The following TAF4B variants were observed in gnomAD, a reference collection of about 807,000 sequenced individuals.
The protein encoded by TAF4B is TATA-box binding protein associated factor 4b.
In TAF4B, 38 loss-of-function variants were observed where a neutral mutation model predicts 86.4. The observed-to-expected ratio is 0.44, with a 90% CI of 0.34 to 0.58. TAF4B has a LOEUF of 0.58. TAF4B is among the 20% of genes least tolerant of loss of function. The pLI, the probability that TAF4B is intolerant of heterozygous loss-of-function variation, is 0.02. For synonymous variants in TAF4B, 388 were observed against 391.2 expected, an observed-to-expected ratio of 0.99 and a Z score of 0.10; for missense variants, 988 against 1,027.6, an observed-to-expected ratio of 0.96 and a Z score of 0.53.
At chr18:26,374,852 C>T (rs1047237969) in intron 14 of TAF4B, among the ~76,000 whole-genome samples, 3 of 152,152 alleles carry the variant, frequency 2.0e-5, no homozygotes, top group Non-Finnish European at 4.4e-5. Context: ...GAAAAGTAAA[C>T]ATAAGTTGAT....
chr18:26,337,424 C>CTTTTTT (rs551888808), intron 13 of TAF4B, among the ~76,000 whole-genome samples: 16 of 126,116 alleles, frequency 1.3e-4, no homozygotes, highest in South Asian at 5.3e-4. Context: ...TTCTTTCTTT[C>CTTTTTT]TTTTTTTTTT....
chr18:26,277,043 G>A (rs1376119885), intron 5 of TAF4B, among the ~76,000 whole-genome samples: 3 of 151,772 alleles, frequency 2.0e-5, no homozygotes, highest in African/African-American at 7.3e-5. Context: ...GTTTTTTGTG[G>A]GGTTAACATT....
rs192539816 is a variant in TAF4B at position 26,249,069 on chromosome 18, G to C, written c.344-16101G>C. 8.1e-3 allele frequency among the ~76,000 whole-genome samples: 1,234 copies of C among 151,858 alleles called. 18 individuals carry two copies. The highest frequency in any genetic ancestry group is 0.029 in the African/African-American group (1,183 of 41,446). ...TGCCTGTAATCCCAGCTACTCTGGA[G>C]GCTGAGGCAGGAGGATCACTTGAAC... On this transcript the variant is annotated intron_variant, in intron 1 of 14. Coordinates refer to ENST00000269142, the MANE Select transcript of TAF4B (RefSeq NM_005640.3).
intron 2 of TAF4B, 103 bp downstream of exon 2, chr18:26,265,418 A>T: frequency 2.3e-6 from 3 of 1,331,378 alleles, no homozygotes; most frequent in Non-Finnish European, 3.0e-6. Context: ...GTAAGACATG[A>T]TTCTATTCAG....
intron 8 of TAF4B, among the ~76,000 whole-genome samples, chr18:26,292,729 G>A (rs1256063356): frequency 3.3e-5 from 5 of 152,180 alleles, no homozygotes; most frequent in African/African-American, 1.2e-4. Context: ...TACCATGTTG[G>A]CCAGGCTGGT....
intron 9 of TAF4B, 47 bp from the exon 10 acceptor site, chr18:26,315,182 C>CACACACACACACAT (rs1459163111): frequency 7.9e-7 from 1 of 1,259,220 alleles, no homozygotes; most frequent in Non-Finnish European, 1.1e-6. Flanking sequence ...CACACACACA[C>CACACACACACACAT]ACACACACAC....
At chr18:26,341,429 A>G (rs1012142871) in intron 13 of TAF4B, among the ~76,000 whole-genome samples, 1 of 152,168 alleles carries the variant, frequency 6.6e-6, no homozygotes, top group South Asian at 2.1e-4. Flanking sequence ...AAAGAGTGTA[A>G]GGATGACAAC....
At chr18:26,387,669 G>C (rs991487101) in intron 14 of TAF4B, among the ~76,000 whole-genome samples, 2 of 152,124 alleles carry the variant, frequency 1.3e-5, no homozygotes, top group African/African-American at 2.4e-5. Context: ...CGAGAGACTG[G>C]CTCTATACTG....
chr18:26,335,179 G>A lies in TAF4B; in HGVS notation c.2264G>A (p.Arg755His), dbSNP rs189153847. Residue 755 changes from arginine (R) to histidine (H), a missense_variant, in exon 13 of 15, where the codon CGT becomes CAT. Arg to His is a conservative substitution (Grantham distance 29). Transcript: ENST00000269142. ...REMLLKAAKS[R>H]SNKEDPEQLR... Reference sequence around the variant, plus strand: ...AATTTTCTTTTCCTTTGATAGAGTCGTTCTAATAAAGAAGATCCAGAACAG... The same window carrying A: ...AATTTTCTTTTCCTTTGATAGAGTCATTCTAATAAAGAAGATCCAGAACAG... 17 of 1,611,836 alleles carry A rather than the reference G, an allele frequency of 1.1e-5. No individual in the cohort carries two copies. Among genetic ancestry groups the A allele is most frequent in the Middle Eastern group, 3.3e-4 (2 of 6,080 alleles).
intron 11 of TAF4B, among the ~76,000 whole-genome samples, chr18:26,323,526 ATTTT>A (rs11310174): frequency 8.4e-5 from 11 of 130,718 alleles, no homozygotes; most frequent in Admixed American, 1.5e-4. Context: ...CACCCAACTA[ATTTT>A]TTTTTTTTTT....
intron 14 of TAF4B, among the ~76,000 whole-genome samples, chr18:26,376,286 A>G (rs902723006): frequency 6.6e-6 from 1 of 152,018 alleles, no homozygotes; most frequent in Admixed American, 6.6e-5. Flanking sequence ...TATATAGACA[A>G]ATTTGGGTAG....
At chr18:26,265,954 T>G (rs1004311511) in intron 2 of TAF4B, 1 of 152,008 alleles carries the variant, frequency 6.6e-6, no homozygotes, top group Non-Finnish European at 1.5e-5. Context: ...TGTGTTTATT[T>G]AGTAGAGACA....
chr18:26,315,143 TCTGTCTCTCTCTCTCTCTCACACA>T, intron 9 of TAF4B, 62 bp from the exon 10 acceptor site: 1 of 293,676 alleles, frequency 3.4e-6, no homozygotes, highest in East Asian at 5.5e-5. Flanking sequence ...TCTCTCTCTC[TCTGTCTCTCTCTCTCTCTCACACA>T]CACACACACA....
At chr18:26,267,174 T>A (rs558163748) in intron 2 of TAF4B, 66 of 163,330 alleles carry the variant, frequency 4.0e-4, no homozygotes, top group African/African-American at 1.5e-3. Context: ...GGTTTTTGTT[T>A]ATAATTAAAT....
rs981551886 is a variant in TAF4B, at chr18:26,229,572, G to A, written c.343+2296G>A. On this transcript the variant is annotated intron_variant, in intron 1 of 14. Transcript: ENST00000269142. ...GGCTGGGGTGCAGTGGCATAATCTC[G>A]GCTCACTGCAACCTCCGCCTCCCGG... is the stretch of plus-strand genomic sequence containing the variant. Among the ~76,000 whole-genome samples, 8 of 147,972 alleles carry A rather than the reference G, an allele frequency of 5.4e-5. 1 individual carries two copies. The highest frequency in any genetic ancestry group is 1.0e-4 in the Non-Finnish European group (7 of 67,462).
chr18:26,306,019 A>G (rs1026777921), intron 9 of TAF4B, among the ~76,000 whole-genome samples: 1 of 152,256 alleles, frequency 6.6e-6, no homozygotes, highest in African/African-American at 2.4e-5. Context: ...AAGCCATTGC[A>G]TAAGCAAATT....
At chr18:26,285,041 C>T (rs2056493516) in intron 6 of TAF4B, among the ~76,000 whole-genome samples, 1 of 151,540 alleles carries the variant, frequency 6.6e-6, no homozygotes, top group Non-Finnish European at 1.5e-5. Flanking sequence ...GATCACAGCT[C>T]ACTGCAACCT....
At chr18:26,367,954 T>A (rs886903587) in intron 14 of TAF4B, among the ~76,000 whole-genome samples, 6 of 152,220 alleles carry the variant, frequency 3.9e-5, no homozygotes, top group Non-Finnish European at 8.8e-5. Context: ...GTAGATATGA[T>A]CAATCACTTA....
In TAF4B at chr18:26,272,814, A is replaced by C. The variant is rs1440061051; in HGVS notation, c.598-1849A>C. The stretch of plus-strand genomic sequence containing the variant: ...AAAATCTCCACAAGAATTCAGAAGA[A>C]ACTGAGTGGTAGGTTGGAGAGCAGG... On this transcript the variant is annotated intron_variant, in intron 3 of 14. Coordinates refer to ENST00000269142, the MANE Select transcript of TAF4B (RefSeq NM_005640.3). Among the ~76,000 whole-genome samples, 15 of 152,320 alleles carry C rather than the reference A, an allele frequency of 9.8e-5. No individual in the cohort carries two copies. The South Asian group carries it at 2.5e-3, about 25-fold the overall frequency.
Sources: gnomAD v4.1 joint callset for allele counts (sites outside exome capture counted in the v4.1 genomes callset) on GRCh38, gnomAD v4.1.1 for gene constraint, MANE v1.5 for transcripts, NCBI Gene and HGNC (gene_info 2026-07-23, HGNC 2026-07-21) for gene names.